The following SMCHD1 variants were observed in gnomAD, a reference collection of about 807,000 sequenced individuals.
The protein encoded by SMCHD1 is structural maintenance of chromosomes flexible hinge domain-containing protein 1.
In SMCHD1, 78 loss-of-function variants were observed where a neutral mutation model predicts 254.7. The ratio of observed to expected loss-of-function variants is 0.31; its 90% CI spans 0.26 to 0.37. SMCHD1 has a LOEUF of 0.37. Ranked by LOEUF, SMCHD1 falls within the 10% of genes least tolerant of loss-of-function variation. The pLI, the probability that SMCHD1 is intolerant of heterozygous loss-of-function variation, is 1.00. For missense variants in SMCHD1, 1,840 were observed against 2,408.1 expected, an observed-to-expected ratio of 0.76 and a Z score of 4.94; for synonymous variants, 766 against 794.9, an observed-to-expected ratio of 0.96 and a Z score of 0.61.
At chr18:2,751,202 T>C in intron 32 of SMCHD1, 76 bp from the exon 33 acceptor site, 1 of 748,470 alleles carries the variant, frequency 1.3e-6, no homozygotes, top group Non-Finnish European at 2.2e-6. Context: ...GATGTTTGCT[T>C]TAAGGCATAC....
Position 2,747,509 on chromosome 18 carries a change from C to A in SMCHD1, c.3802-13C>A, listed in dbSNP as rs1296305929. ...TATTTTAGTGTTTCTTAAAATATTT[C>A]TATTCTTTTCAGTCCATTCCAGTGA... On this transcript the variant is annotated splice_polypyrimidine_tract_variant and intron_variant, in intron 29 of 47. Coordinates refer to ENST00000320876, the MANE Select transcript of SMCHD1 (RefSeq NM_015295.3). 2 of 1,583,034 alleles carry A rather than the reference C, an allele frequency of 1.3e-6. No individual in the cohort carries two copies. The highest frequency in any genetic ancestry group is 8.6e-7 in the Non-Finnish European group (1 of 1,162,124).
intron 3 of SMCHD1, among the ~76,000 whole-genome samples, chr18:2,667,546 G>A (rs2073473573): frequency 6.6e-6 from 1 of 152,060 alleles, no homozygotes; most frequent in Admixed American, 6.5e-5. Context: ...TTCAGGACTT[G>A]CCAAAGTGTC....
intron 25 of SMCHD1, among the ~76,000 whole-genome samples, chr18:2,736,949 G>A (rs2075263112): frequency 2.0e-5 from 3 of 152,106 alleles, no homozygotes; most frequent in African/African-American, 7.2e-5. Flanking sequence ...GCAGTTTTCT[G>A]TTTATCTCAG....
rs1450208287 is a variant in SMCHD1 at position 2,722,500 on chromosome 18, A to T, written c.2459-19A>T. 6.2e-7 allele frequency: 1 copy of T among 1,601,702 alleles called. No individual in the cohort carries two copies. The stretch of plus-strand genomic sequence containing the variant: ...GACCAATGTACTTGCTTTTCATTTC[A>T]TTTTTGTTTTTGTTAAAGAGGGTAA... On this transcript the variant is annotated intron_variant, in intron 19 of 47. Coordinates refer to ENST00000320876, the MANE Select transcript of SMCHD1 (RefSeq NM_015295.3).
chr18:2,790,389 C>G (rs569533580), intron 45 of SMCHD1, among the ~76,000 whole-genome samples: 16 of 152,206 alleles, frequency 1.1e-4, no homozygotes, highest in African/African-American at 3.9e-4. Flanking sequence ...TATTTTTATT[C>G]TGTTTTATTG....
chr18:2,666,741 A>C, intron 2 of SMCHD1, 129 bp from the exon 3 acceptor site: 1 of 670,408 alleles, frequency 1.5e-6, no homozygotes, highest in Admixed American at 3.2e-5. Context: ...GCTTACAGGT[A>C]GATGATTGGG....
chr18:2,747,146 C>T (rs905716042), intron 29 of SMCHD1, among the ~76,000 whole-genome samples: 1 of 152,128 alleles, frequency 6.6e-6, no homozygotes, highest in Non-Finnish European at 1.5e-5. Context: ...ATAGCATTTG[C>T]GTTGTATTAG....
chr18:2,790,009 C>A (rs62077719), intron 45 of SMCHD1, among the ~76,000 whole-genome samples: 2 of 151,902 alleles, frequency 1.3e-5, no homozygotes, highest in Admixed American at 6.6e-5. Flanking sequence ...TGGTGAAACC[C>A]CGTCTCTACT....
At chr18:2,783,044 A>G (rs924000817) in intron 44 of SMCHD1, among the ~76,000 whole-genome samples, 4 of 152,292 alleles carry the variant, frequency 2.6e-5, no homozygotes, top group Admixed American at 1.3e-4. Context: ...TTCAGAGACT[A>G]TTTAGCCCCA....
chr18:2,727,314 T>G (rs1164803045), intron 22 of SMCHD1, among the ~76,000 whole-genome samples: 1 of 152,146 alleles, frequency 6.6e-6, no homozygotes, highest in South Asian at 2.1e-4. Context: ...TGTGACCTTT[T>G]TACTGGTTTT....
intron 1 of SMCHD1, among the ~76,000 whole-genome samples, chr18:2,660,050 A>G (rs1049087705): frequency 4.6e-5 from 7 of 152,212 alleles, no homozygotes; most frequent in Non-Finnish European, 8.8e-5. Flanking sequence ...TGGGGACGGC[A>G]TAGTGGCTTA....
In SMCHD1 at chr18:2,762,162, C is replaced by T. The variant is rs767117563; in HGVS notation, c.4492C>T (p.Pro1498Ser). The T allele has an allele frequency of 1.1e-5, 18 of 1,613,586 alleles. No individual in the cohort carries two copies. The highest frequency in any genetic ancestry group is 1.4e-5 in the Non-Finnish European group (17 of 1,179,594). The change falls in exon 36 of 48, where the codon CCT becomes TCT. Residue 1498 changes from proline (P) to serine (S), a missense_variant. By Grantham distance (74) the Pro-to-Ser change is moderately conservative (BLOSUM62 -1). Around this residue, in one of 9 missense-constraint regions of SMCHD1, gnomAD observed 881 missense variants for 1,009.5 expected, o/e 0.87. Coordinates refer to ENST00000320876, the MANE Select transcript of SMCHD1 (RefSeq NM_015295.3). ...PVKLVPKIKP[P>S]TPAVSNVRSV... ...GAAGTTAGTACCTAAAATTAAACCA[C>T]CTACACCAGCTGTTTCAAATGTTCG...
intron 8 of SMCHD1, among the ~76,000 whole-genome samples, chr18:2,696,184 T>C (rs548625694): frequency 1.3e-5 from 2 of 152,308 alleles, no homozygotes; most frequent in African/African-American, 4.8e-5. Context: ...TCAAACTTAC[T>C]AGTTTTGTTT....
chr18:2,792,488 C>T (rs1287551766), intron 45 of SMCHD1, among the ~76,000 whole-genome samples: 4 of 152,292 alleles, frequency 2.6e-5, no homozygotes, highest in South Asian at 2.1e-4. Flanking sequence ...CATTAAGCAA[C>T]ACATGACTGC....
At position 2,758,071 on chromosome 18, in the gene SMCHD1, T is replaced by TAG. The variant is rs559091715; in HGVS notation, c.4347-2580_4347-2579insGA. ...ATATATAGATAGATAGATAGATAGA[T>TAG]ATATTCTTTTAAGTGTATCTTTTGT... On this transcript the variant is annotated intron_variant, in intron 34 of 47. Transcript: ENST00000320876. Among the ~76,000 whole-genome samples the TAG allele has an allele frequency of 1.0e-3, 158 of 152,188 alleles. 1 individual carries two copies. Among genetic ancestry groups the TAG allele is most frequent in the South Asian group, 6.4e-3 (31 of 4,812 alleles).
chr18:2,773,508 T>C (rs2076016752), intron 41 of SMCHD1, among the ~76,000 whole-genome samples: 1 of 152,244 alleles, frequency 6.6e-6, no homozygotes, highest in South Asian at 2.1e-4. Context: ...GTTTCTCTTT[T>C]GTCCCCTCAG....
intron 29 of SMCHD1, 132 bp downstream of exon 29, chr18:2,744,060 CAAAA>C: frequency 1.4e-6 from 1 of 704,582 alleles, no homozygotes; most frequent in African/African-American, 1.8e-5. Flanking sequence ...GTAAAAATAA[CAAAA>C]AAGCAAGGTA....
At chr18:2,787,791 A>G (rs2076262863) in intron 45 of SMCHD1, among the ~76,000 whole-genome samples, 1 of 152,220 alleles carries the variant, frequency 6.6e-6, no homozygotes, top group Non-Finnish European at 1.5e-5. Context: ...TAAGGTTACT[A>G]ATATATATAA....
chr18:2,696,937 A>G (rs2074297810), intron 8 of SMCHD1, 95 bp from the exon 9 acceptor site: 2 of 578,856 alleles, frequency 3.5e-6, no homozygotes, highest in Non-Finnish European at 6.0e-6. Context: ...AGTGCTTGAT[A>G]CCTAGTAAAT....
Sources: gnomAD v4.1 joint callset for allele counts (sites outside exome capture counted in the v4.1 genomes callset) on GRCh38, gnomAD v4.1.1 for gene constraint, gnomAD v4.1.1 regional missense constraint, MANE v1.5 for transcripts, NCBI Gene and HGNC (gene_info 2026-07-23, HGNC 2026-07-21) for gene names.